The following GRAMD4 variants were observed in gnomAD, a reference collection of about 807,000 sequenced individuals.
GRAMD4 encodes GRAM domain containing 4, also known as GRAM domain-containing protein 4.
Under a neutral mutation model 83.9 loss-of-function variants are expected in GRAMD4, and 25 were observed. The observed-to-expected ratio is 0.30, with a 90% CI of 0.22 to 0.42. The LOEUF (loss-of-function observed/expected upper bound fraction) is 0.42. Ranked by LOEUF, GRAMD4 falls within the 10% of genes least tolerant of loss-of-function variation. GRAMD4 has a pLI of 1.00. For synonymous variants in GRAMD4, 336 were observed against 320.9 expected (o/e 1.05, Z -0.50); for missense variants, 593 against 788.7 (o/e 0.75, Z 2.97).
chr22:46,639,816 C>A (rs896690783), intron 3 of GRAMD4, among the ~76,000 whole-genome samples: 5 of 152,126 alleles, frequency 3.3e-5, no homozygotes, highest in Non-Finnish European at 5.9e-5. Flanking sequence ...CACACTATGG[C>A]TGTGGTGTGG....
intron 3 of GRAMD4, among the ~76,000 whole-genome samples, chr22:46,657,195 G>C (rs1244046804): frequency 6.6e-6 from 1 of 152,236 alleles, no homozygotes; most frequent in Non-Finnish European, 1.5e-5. Context: ...GCAGGGTCTT[G>C]TCAGTGGCCC....
chr22:46,648,014 G>A (rs2082095839), intron 3 of GRAMD4, among the ~76,000 whole-genome samples: 1 of 152,262 alleles, frequency 6.6e-6, no homozygotes, highest in Non-Finnish European at 1.5e-5. Flanking sequence ...AAGGGCCTGG[G>A]CCCAGAGCCT....
chr22:46,639,855 G>T (rs1006297829), intron 3 of GRAMD4, among the ~76,000 whole-genome samples: 2 of 152,188 alleles, frequency 1.3e-5, no homozygotes, highest in Admixed American at 6.5e-5. Context: ...TGAGCCTTAG[G>T]TTGCATAGAG....
intron 3 of GRAMD4, among the ~76,000 whole-genome samples, chr22:46,648,480 AG>A (rs2147275760): frequency 1.9e-5 from 2 of 102,832 alleles, no homozygotes; most frequent in Non-Finnish European, 2.1e-5. Flanking sequence ...TGGATGGGTG[AG>A]TGGATGGATG....
rs1308081378 is a variant in GRAMD4, at chr22:46,672,801, T to C, written c.1085-42T>C. ...ATCACCCTGAGTAGACTGGCATAGC[T>C]GCAGAGCTCTAGATGGAGCAGGCTG... On this transcript the variant is annotated intron_variant, in intron 13 of 18. Transcript: ENST00000406902. This position sits in a 1 kb window ranked among gnomAD's most constrained non-coding sequence, Gnocchi z 4.7. 2 of 1,541,684 alleles carry C rather than the reference T, an allele frequency of 1.3e-6. No homozygotes were observed. Among genetic ancestry groups the C allele is most frequent in the Non-Finnish European group, 1.8e-6 (2 of 1,122,792 alleles).
At chr22:46,615,524 C>G (rs2081470611), upstream of GRAMD4, among the ~76,000 whole-genome samples, 1 of 147,276 alleles carries the variant, frequency 6.8e-6, no homozygotes, top group African/African-American at 2.5e-5. Flanking sequence ...TGCAGGTTCC[C>G]CTGTGTGTGT....
downstream of GRAMD4, among the ~76,000 whole-genome samples, chr22:46,681,258 G>T (rs996153169): frequency 1.1e-4 from 16 of 151,824 alleles, no homozygotes; most frequent in Admixed American, 2.6e-4. Context: ...AGGGGCTTCT[G>T]AGTGCTCAAA....
At chr22:46,584,780 A>C (rs1307098802) in intron 1 of GRAMD4, among the ~76,000 whole-genome samples, 1 of 152,234 alleles carries the variant, frequency 6.6e-6, no homozygotes, top group Non-Finnish European at 1.5e-5. Flanking sequence ...TGCTGTGCTT[A>C]GTCAGCCCGG....
intron 13 of GRAMD4, among the ~76,000 whole-genome samples, chr22:46,671,616 G>A (rs1277714198): frequency 6.6e-6 from 1 of 150,412 alleles, no homozygotes; most frequent in African/African-American, 2.4e-5. Flanking sequence ...AGATCATGTT[G>A]CTGCACTCCT....
downstream of GRAMD4, among the ~76,000 whole-genome samples, chr22:46,680,600 A>ATT (rs2082659411): frequency 5.7e-5 from 6 of 104,522 alleles, no homozygotes; most frequent in African/African-American, 1.3e-4. Context: ...CCATCCACCC[A>ATT]CCCATTCATC....
At chr22:46,618,595 T>C (rs1003381642), upstream of GRAMD4, among the ~76,000 whole-genome samples, 1 of 152,144 alleles carries the variant, frequency 6.6e-6, no homozygotes, top group African/African-American at 2.4e-5. The surrounding 1 kb of genome is among the most constrained non-coding windows in gnomAD (Gnocchi z 5.8). Flanking sequence ...TGGAGAACTT[T>C]GGCAGGGGCG....
At chr22:46,648,851 G>T (rs34917114) in intron 3 of GRAMD4, among the ~76,000 whole-genome samples, 1 of 133,678 alleles carries the variant, frequency 7.5e-6, no homozygotes, top group African/African-American at 2.9e-5. Context: ...TGGATGCATG[G>T]ATGGATGGAT....
At chr22:46,603,178 T>C (rs1015843508) in intron 1 of GRAMD4, among the ~76,000 whole-genome samples, 2 of 151,376 alleles carry the variant, frequency 1.3e-5, no homozygotes, top group Non-Finnish European at 2.9e-5. Context: ...AAAATTTGTT[T>C]TTAACATAAC....
chr22:46,636,048 C>A (rs1380658380), intron 2 of GRAMD4, among the ~76,000 whole-genome samples: 2 of 152,124 alleles, frequency 1.3e-5, no homozygotes, highest in East Asian at 3.9e-4. Context: ...GGACGTTTAG[C>A]CCCCGGGGTC....
At chr22:46,625,306 T>G (rs138481) in intron 1 of GRAMD4, among the ~76,000 whole-genome samples, 54,983 of 152,094 alleles carry the variant, frequency 0.36, 10,850 homozygotes, top group East Asian at 0.6. Flanking sequence ...CGGTCCTCAC[T>G]GTTAATGAGT....
At chr22:46,623,784 C>CT (rs35664381) in intron 1 of GRAMD4, among the ~76,000 whole-genome samples, 2,296 of 133,304 alleles carry the variant, frequency 0.017, 19 homozygotes, top group Non-Finnish European at 0.025. Flanking sequence ...GTCAAGCTGC[C>CT]TTTTTTTTTT....
intron 3 of GRAMD4, among the ~76,000 whole-genome samples, chr22:46,653,047 A>C (rs2082190009): frequency 6.6e-6 from 1 of 152,174 alleles, no homozygotes; most frequent in Non-Finnish European, 1.5e-5. Context: ...GCTCAGAGAT[A>C]GGAAGGACTC....
chr22:46,672,940 G>T lies in GRAMD4; in HGVS notation c.1182G>T (p.Arg394Ser), dbSNP rs778776876. The T allele has an allele frequency of 2.5e-6, 4 of 1,611,196 alleles. No homozygotes were observed. In the East Asian group the frequency reaches 6.7e-5, roughly 27 times the overall value. The change falls in exon 14 of 19, where the codon AGG (arginine) becomes AGT (serine). Residue 394 changes from arginine to serine, a missense_variant. Physicochemically the swap from Arg to Ser is moderately radical, Grantham distance 110. Transcript: ENST00000406902. The surrounding 1 kb of genome is among the most constrained non-coding windows in gnomAD (Gnocchi z 4.7). ...AKYDTPYIIW[R>S]SLPTDPQLKE... ...ACGACACGCCCTATATCATCTGGAG[G>T]AGTCTCCCCACCGACCCGCAGCTCA... is the stretch of plus-strand genomic sequence containing the variant.
chr22:46,650,478 G>A (rs1451438559), intron 3 of GRAMD4, among the ~76,000 whole-genome samples: 1 of 152,148 alleles, frequency 6.6e-6, no homozygotes, highest in Non-Finnish European at 1.5e-5. Context: ...CCACAGTCTG[G>A]GCCTGTGTAG....
Sources: gnomAD v4.1 joint callset for allele counts (sites outside exome capture counted in the v4.1 genomes callset) on GRCh38, gnomAD v4.1.1 for gene constraint, Gnocchi (gnomAD v3.1) non-coding constraint, MANE v1.5 for transcripts, NCBI Gene and HGNC (gene_info 2026-07-23, HGNC 2026-07-21) for gene names.